Variants in LRMDA observed in about 807,000 individuals in gnomAD.
LRMDA encodes the protein leucine rich melanocyte differentiation associated, also known as leucine-rich melanocyte differentiation-associated protein.
A neutral mutation model predicts 29.8 loss-of-function variants in LRMDA; 18 were observed. The ratio of observed to expected loss-of-function variants is 0.60; its 90% CI spans 0.42 to 0.90. LRMDA has a LOEUF of 0.90. LRMDA is among the 40% of genes least tolerant of loss of function. The probability of loss-of-function intolerance (pLI) is 0.00; values close to 1 mark genes in which losing one functional copy is unlikely to be tolerated. For synonymous variants in LRMDA, 125 were observed against 109.4 expected, an observed-to-expected ratio of 1.14 and a Z score of -0.89; for missense variants, 273 against 273.9, an observed-to-expected ratio of 1.00 and a Z score of 0.02.
rs117689557 is a variant in LRMDA at position 76,033,679 on chromosome 10, C to T, written c.132-2329C>T. On this transcript the variant is annotated intron_variant, in intron 2 of 6. Coordinates refer to ENST00000611255, the MANE Select transcript of LRMDA (RefSeq NM_001305581.2). ...TGTGTATTTGGATGCTGCCTTTGAG[C>T]GGAGTCCAACTGATGTTTGTGCACA... Among the ~76,000 whole-genome samples the T allele has an allele frequency of 1.0e-3, 158 of 152,230 alleles. 4 individuals carry two copies. The East Asian group carries it at 0.026, about 25-fold the overall frequency.
intron 5 of LRMDA, among the ~76,000 whole-genome samples, chr10:76,281,166 G>A (rs887418852): frequency 8.5e-5 from 13 of 152,132 alleles, no homozygotes; most frequent in Non-Finnish European, 1.8e-4. Context: ...TTGCTGAAGA[G>A]CAAAGGTCTT....
At chr10:75,934,940 C>T (rs545688926) in intron 2 of LRMDA, among the ~76,000 whole-genome samples, 44 of 152,212 alleles carry the variant, frequency 2.9e-4, no homozygotes, top group African/African-American at 1.0e-3. Flanking sequence ...AGTCCATCAG[C>T]GGAGATTTCC....
chr10:75,779,582 C>T (rs1564565910), intron 2 of LRMDA, among the ~76,000 whole-genome samples: 1 of 152,302 alleles, frequency 6.6e-6, no homozygotes, highest in East Asian at 1.9e-4. Flanking sequence ...GGAGTGGTAG[C>T]CAAGCCAGGC....
intron 6 of LRMDA, among the ~76,000 whole-genome samples, chr10:76,506,929 C>T (rs1842964977): frequency 2.0e-5 from 3 of 151,982 alleles, no homozygotes; most frequent in Non-Finnish European, 2.9e-5. Flanking sequence ...TATAGGAGTA[C>T]AGATACCTCT....
intron 2 of LRMDA, among the ~76,000 whole-genome samples, chr10:75,726,943 G>C (rs1290069579): frequency 2.0e-5 from 3 of 152,166 alleles, no homozygotes; most frequent in African/African-American, 7.2e-5. Flanking sequence ...GTTTTTCTCA[G>C]TGTCTGATTA....
At chr10:75,794,672 G>A (rs191401477) in intron 2 of LRMDA, among the ~76,000 whole-genome samples, 2 of 152,228 alleles carry the variant, frequency 1.3e-5, no homozygotes, top group African/African-American at 4.8e-5. Context: ...GTTTTACTCT[G>A]TGTCTTCCTG....
chr10:76,326,746 G>A (rs1840837990), intron 6 of LRMDA, among the ~76,000 whole-genome samples: 1 of 152,126 alleles, frequency 6.6e-6, no homozygotes, highest in Non-Finnish European at 1.5e-5. Context: ...TGTCAACTAT[G>A]ATAGGTCCAA....
chr10:75,710,002 CT>C (rs1045604431), intron 2 of LRMDA, among the ~76,000 whole-genome samples: 7 of 152,116 alleles, frequency 4.6e-5, no homozygotes, highest in Non-Finnish European at 1.0e-4. Flanking sequence ...TTTTGTATCC[CT>C]GGTAAAAAAG....
At chr10:76,283,432 T>C (rs1840231230) in intron 5 of LRMDA, among the ~76,000 whole-genome samples, 1 of 152,202 alleles carries the variant, frequency 6.6e-6, no homozygotes, top group South Asian at 2.1e-4. Context: ...AGACAAGTGC[T>C]TGAGGGACAG....
intron 5 of LRMDA, among the ~76,000 whole-genome samples, chr10:76,310,724 T>A (rs557381339): frequency 6.6e-5 from 10 of 152,310 alleles, no homozygotes; most frequent in South Asian, 6.2e-4. Context: ...ATATTTTTGG[T>A]TAAAAGGGAG....
At chr10:76,130,723 G>A (rs548996238) in intron 5 of LRMDA, among the ~76,000 whole-genome samples, 4 of 152,158 alleles carry the variant, frequency 2.6e-5, no homozygotes, top group South Asian at 2.1e-4. Context: ...GCAAAGGTGC[G>A]ATCTCAGCTC....
At chr10:75,526,172 C>A (rs1318413035) in intron 2 of LRMDA, among the ~76,000 whole-genome samples, 1 of 151,930 alleles carries the variant, frequency 6.6e-6, no homozygotes, top group African/African-American at 2.4e-5. Context: ...CTCAAGGGAT[C>A]CTCCTGCCTC....
intron 2 of LRMDA, among the ~76,000 whole-genome samples, chr10:75,985,206 A>T (rs918553249): frequency 6.6e-6 from 1 of 152,228 alleles, no homozygotes; most frequent in South Asian, 2.1e-4. Context: ...GTAAAGGGAA[A>T]TGTATAAAAA....
rs140371857 is a variant in LRMDA at position 76,374,682 on chromosome 10, A to G, written c.601+50197A>G. Among the ~76,000 whole-genome samples, 471 of 152,328 alleles carry G rather than the reference A, an allele frequency of 3.1e-3. 4 individuals carry two copies. The highest frequency in any genetic ancestry group is 0.011 in the African/African-American group (441 of 41,584). On this transcript the variant is annotated intron_variant, in intron 6 of 6. Transcript: ENST00000611255. ...TTGCTTTCTGAAACTGATTAAAATT[A>G]TATTTCCTGATTCACAGGTTGCAGT...
chr10:75,757,503 G>A (rs1843046001), intron 2 of LRMDA, among the ~76,000 whole-genome samples: 1 of 152,140 alleles, frequency 6.6e-6, no homozygotes, highest in Non-Finnish European at 1.5e-5. Context: ...GGTTGTTAGG[G>A]GTGGGGGCCC....
intron 2 of LRMDA, among the ~76,000 whole-genome samples, chr10:75,651,025 G>A (rs536154507): frequency 6.6e-6 from 1 of 152,130 alleles, no homozygotes; most frequent in Non-Finnish European, 1.5e-5. Context: ...GGCCCAAAAT[G>A]TTCTCTCCAC....
At chr10:75,729,854 G>A (rs1360895837) in intron 2 of LRMDA, among the ~76,000 whole-genome samples, 1 of 152,212 alleles carries the variant, frequency 6.6e-6, no homozygotes, top group Non-Finnish European at 1.5e-5. Flanking sequence ...CTGGAGTGCA[G>A]TAGCACGATC....
chr10:76,288,364 T>C (rs912899666), intron 5 of LRMDA, among the ~76,000 whole-genome samples: 3 of 152,110 alleles, frequency 2.0e-5, no homozygotes, highest in African/African-American at 7.2e-5. Flanking sequence ...CATTTCATAA[T>C]AGCAAAGATA....
At chr10:75,628,086 A>G (rs1321643278) in intron 2 of LRMDA, among the ~76,000 whole-genome samples, 1 of 152,192 alleles carries the variant, frequency 6.6e-6, no homozygotes, top group Non-Finnish European at 1.5e-5. Flanking sequence ...ATCTGAGTAC[A>G]AAGAAGACAA....
Sources: gnomAD v4.1 joint callset for allele counts (sites outside exome capture counted in the v4.1 genomes callset) on GRCh38, gnomAD v4.1.1 for gene constraint, MANE v1.5 for transcripts, NCBI Gene and HGNC (gene_info 2026-07-23, HGNC 2026-07-21) for gene names.